The following MAPRE3 variants were observed in gnomAD, a reference collection of about 807,000 sequenced individuals.
MAPRE3 encodes microtubule-associated protein RP/EB family member 3.
A neutral mutation model predicts 30.5 loss-of-function variants in MAPRE3; 2 were observed. The ratio of observed to expected loss-of-function variants is 0.07; its 90% CI spans 0.03 to 0.21. The LOEUF is 0.21. MAPRE3 is among the 10% of genes least tolerant of loss of function. The pLI, the probability that MAPRE3 is intolerant of heterozygous loss-of-function variation, is 1.00. For synonymous variants in MAPRE3, 110 were observed against 127.7 expected, an observed-to-expected ratio of 0.86 and a Z score of 0.93; for missense variants, 204 against 351.8, an observed-to-expected ratio of 0.58 and a Z score of 3.36.
intron 1 of MAPRE3, among the ~76,000 whole-genome samples, chr2:27,011,603 T>A (rs1469938086): frequency 6.6e-6 from 1 of 152,052 alleles, no homozygotes; most frequent in Admixed American, 6.6e-5. Flanking sequence ...CCTAGCACTT[T>A]GGGAGGCTGA....
chr2:26,975,658 T>C (rs2148195249), intron 1 of MAPRE3, among the ~76,000 whole-genome samples: 1 of 152,346 alleles, frequency 6.6e-6, no homozygotes, highest in African/African-American at 2.4e-5. Context: ...TTTATATGTT[T>C]TTGTATTTGA....
Position 27,001,911 on chromosome 2 carries a change from C to G in MAPRE3, c.-7-20301C>G, listed in dbSNP as rs533573879. ...GATTGTGTTTTGAAACAAGTAACAG[C>G]AAACCCTGTCAACAGTGGCTTGAAC... On this transcript the variant is annotated intron_variant, in intron 1 of 6. Transcript: ENST00000233121. 16 of 152,368 alleles carry G rather than the reference C, an allele frequency of 1.1e-4. No homozygotes were observed. The East Asian group carries it at 2.9e-3, about 28-fold the overall frequency. 9.4% of individuals were successfully genotyped at this position (152,368 alleles called of 1,614,324 possible). A position where few individuals can be genotyped will look rare whatever the true frequency, so the allele number is the denominator to read the frequency against.
At chr2:26,983,488 T>A (rs1666158832) in intron 1 of MAPRE3, among the ~76,000 whole-genome samples, 1 of 152,182 alleles carries the variant, frequency 6.6e-6, no homozygotes, top group Non-Finnish European at 1.5e-5. Context: ...CAGGATGTGT[T>A]AGGAGGTCAT....
intron 1 of MAPRE3, among the ~76,000 whole-genome samples, chr2:27,002,497 C>T (rs1329731114): frequency 6.6e-6 from 1 of 151,864 alleles, no homozygotes; most frequent in African/African-American, 2.4e-5. Context: ...TTAAAAGAAC[C>T]CATTTCCCTG....
intron 1 of MAPRE3, among the ~76,000 whole-genome samples, chr2:26,993,456 A>C (rs945466593): frequency 2.0e-5 from 3 of 152,188 alleles, no homozygotes; most frequent in African/African-American, 7.2e-5. Flanking sequence ...CTGTTCTATC[A>C]TCAGTCACTT....
chr2:27,024,882 G>A (rs1337846196), intron 4 of MAPRE3, among the ~76,000 whole-genome samples: 1 of 152,194 alleles, frequency 6.6e-6, no homozygotes, highest in South Asian at 2.1e-4. Flanking sequence ...AGCAGCCCCA[G>A]CCCGCGTCGG....
chr2:26,987,482 C>CA (rs565152798), intron 1 of MAPRE3, among the ~76,000 whole-genome samples: 251 of 151,918 alleles, frequency 1.7e-3, no homozygotes, highest in African/African-American at 5.8e-3. Context: ...ACTAAAAATA[C>CA]AAAAAAATAG....
intron 1 of MAPRE3, chr2:27,011,746 T>G (rs1161939859): frequency 6.8e-6 from 1 of 147,406 alleles, no homozygotes; most frequent in Non-Finnish European, 1.5e-5. Flanking sequence ...TTCGGGAGGC[T>G]GAGGCAGGAG....
At chr2:27,010,235 A>G (rs1163457787) in intron 1 of MAPRE3, among the ~76,000 whole-genome samples, 1 of 152,236 alleles carries the variant, frequency 6.6e-6, no homozygotes, top group Non-Finnish European at 1.5e-5. Flanking sequence ...CAACTTAGTT[A>G]AGACTTTATT....
intron 1 of MAPRE3, among the ~76,000 whole-genome samples, chr2:26,995,805 GTGTGTGTGTGTGTGTGTGTGTGTGTA>G (rs1280839168): frequency 6.7e-6 from 1 of 149,430 alleles, no homozygotes; most frequent in African/African-American, 2.5e-5. Context: ...GTGTGTGTGT[GTGTGTGTGTGTGTGTGTGTGTGTGTA>G]TGTGTGTGTG....
chr2:26,987,592 C>T (rs561283401), intron 1 of MAPRE3, among the ~76,000 whole-genome samples: 36 of 152,136 alleles, frequency 2.4e-4, no homozygotes, highest in African/African-American at 7.7e-4. Flanking sequence ...GAGCCGAGAT[C>T]GCGCCATTGC....
chr2:26,973,570 C>T (rs563844786), intron 1 of MAPRE3, among the ~76,000 whole-genome samples: 3 of 140,148 alleles, frequency 2.1e-5, no homozygotes, highest in South Asian at 4.5e-4. Context: ...TTTTTTGAGA[C>T]GGAGTCTCGC....
intron 1 of MAPRE3, among the ~76,000 whole-genome samples, chr2:27,010,662 C>T (rs1572764133): frequency 1.3e-5 from 2 of 151,966 alleles, no homozygotes; most frequent in African/African-American, 2.4e-5. Flanking sequence ...AGGCTGGTCT[C>T]GAACTCCTGA....
intron 1 of MAPRE3, among the ~76,000 whole-genome samples, chr2:27,009,960 G>A (rs1027499273): frequency 1.3e-5 from 2 of 152,200 alleles, no homozygotes; most frequent in South Asian, 2.1e-4. Context: ...TTTCTCGAGG[G>A]CCCAGAGTGG....
chr2:26,977,470 C>A (rs1267056415), intron 1 of MAPRE3, among the ~76,000 whole-genome samples: 2 of 152,162 alleles, frequency 1.3e-5, no homozygotes, highest in Admixed American at 6.5e-5. Flanking sequence ...GTTCCAGGGG[C>A]CTTTTTTGAG....
chr2:27,013,892 G>C (rs1264708238), intron 1 of MAPRE3: 1 of 152,290 alleles, frequency 6.6e-6, no homozygotes, highest in African/African-American at 2.4e-5. Flanking sequence ...GCTCCTGCCA[G>C]CGGTACTCAT....
rs542461835 is a variant in MAPRE3 at position 27,014,453 on chromosome 2, C to T, written c.-7-7759C>T. 5 of 152,344 alleles carry T rather than the reference C, an allele frequency of 3.3e-5. No homozygotes were observed. In the East Asian group the frequency reaches 9.7e-4, roughly 30 times the overall value. 9.4% of individuals were successfully genotyped at this position (152,344 alleles called of 1,614,324 possible). ...AGGGCTCAGGGTCTTAGAGTTGTGA[C>T]CTAAAAGTGTTGTGAGAACAAAATC... On this transcript the variant is annotated intron_variant, in intron 1 of 6. Transcript: ENST00000233121.
chr2:27,025,472 G>A, intron 4 of MAPRE3, 111 bp from the exon 5 acceptor site: 1 of 1,123,806 alleles, frequency 8.9e-7, no homozygotes, highest in South Asian at 1.6e-5. Context: ...AGGGGGGTGA[G>A]AGTGCCTGCC....
At position 26,990,077 on chromosome 2, in the gene MAPRE3, G is replaced by C. The variant is rs180847140; in HGVS notation, c.-8+19275G>C. Among the ~76,000 whole-genome samples the C allele has an allele frequency of 2.0e-3, 309 of 152,318 alleles. 1 individual carries two copies. Among genetic ancestry groups the C allele is most frequent in the African/African-American group, 7.3e-3 (304 of 41,556 alleles). On this transcript the variant is annotated intron_variant, in intron 1 of 6. Transcript: ENST00000233121. The stretch of plus-strand genomic sequence containing the variant: ...GCCTGAAGTCCCAGCTACTTGGGGA[G>C]CTGAGGCGGGAGGAACGCTGGAGCC...
Sources: allele counts gnomAD v4.1 joint callset (sites outside exome capture counted in the v4.1 genomes callset), GRCh38; gene constraint gnomAD v4.1.1; transcripts MANE v1.5; gene names NCBI Gene and HGNC (gene_info 2026-07-23, HGNC 2026-07-21).